MNAT1: variants seen among roughly 807,000 people sequenced by gnomAD.
The protein encoded by MNAT1 is MNAT1 component of CDK activating kinase, also known as CDK-activating kinase assembly factor MAT1.
Under a neutral mutation model 42.0 loss-of-function variants are expected in MNAT1, and 43 were observed. That is an observed-to-expected ratio of 1.02 (90% CI 0.80 to 1.32). The LOEUF is 1.32. Ranked by LOEUF, MNAT1 falls within the 40% of genes most tolerant of loss-of-function variation. MNAT1 has a pLI of 0.00. For missense variants in MNAT1, 306 were observed against 350.4 expected (o/e 0.87, Z 1.01); for synonymous variants, 118 against 120.0 (o/e 0.98, Z 0.11).
At chr14:60,889,942 C>T (rs1016730187) in intron 7 of MNAT1, among the ~76,000 whole-genome samples, 7 of 152,120 alleles carry the variant, frequency 4.6e-5, no homozygotes, top group East Asian at 3.9e-4. Context: ...ATTAAAAAGT[C>T]AGGAAACAAC....
intron 6 of MNAT1, among the ~76,000 whole-genome samples, chr14:60,841,288 T>C (rs1245747394): frequency 1.3e-5 from 2 of 152,138 alleles, no homozygotes; most frequent in African/African-American, 4.8e-5. Context: ...GTGTGTACTT[T>C]AGGTGGCTGC....
At chr14:60,890,752 T>G (rs746848568) in intron 7 of MNAT1, among the ~76,000 whole-genome samples, 1 of 152,200 alleles carries the variant, frequency 6.6e-6, no homozygotes, top group African/African-American at 2.4e-5. Context: ...GCAAGTCTGC[T>G]CTTTCCACCT....
At chr14:60,863,609 T>G (rs1393325149) in intron 6 of MNAT1, among the ~76,000 whole-genome samples, 2 of 152,096 alleles carry the variant, frequency 1.3e-5, no homozygotes. Flanking sequence ...ATTAACTAAT[T>G]AGTGAAAGGA....
At chr14:60,906,454 G>A (rs981309153) in intron 7 of MNAT1, among the ~76,000 whole-genome samples, 8 of 152,184 alleles carry the variant, frequency 5.3e-5, no homozygotes, top group Non-Finnish European at 1.0e-4. Context: ...AAAATTTGCA[G>A]TAGTCCTGCT....
At chr14:60,833,157 A>T (rs563184791) in intron 6 of MNAT1, among the ~76,000 whole-genome samples, 1 of 152,230 alleles carries the variant, frequency 6.6e-6, no homozygotes, top group South Asian at 2.1e-4. Context: ...TTCCTCTTTG[A>T]ATACTCTTTA....
chr14:60,911,573 C>A (rs1028496618), intron 7 of MNAT1, among the ~76,000 whole-genome samples: 1 of 152,108 alleles, frequency 6.6e-6, no homozygotes, highest in Non-Finnish European at 1.5e-5. Context: ...GCCTTCATTT[C>A]ATTGTGTACC....
At chr14:60,799,413 T>A in intron 3 of MNAT1, 1 of 984,610 alleles carries the variant, frequency 1.0e-6, no homozygotes, top group African/African-American at 1.7e-5. Context: ...TCTGGCTCTA[T>A]ATAGATACTA....
Position 60,829,504 on chromosome 14 carries a change from GA to G in MNAT1, c.687+10662del, listed in dbSNP as rs553588670. Among the ~76,000 whole-genome samples the G allele has an allele frequency of 4.8e-4, 73 of 152,164 alleles. No individual in the cohort carries two copies. The South Asian group carries it at 0.015, about 30-fold the overall frequency. On this transcript the variant is annotated intron_variant, in intron 6 of 7. Transcript: ENST00000261245. ...TATTCTTTCCTTTACCACGGTAAAG[GA>G]AAAATTGTTAATAGTCAAACTGTTG...
intron 7 of MNAT1, among the ~76,000 whole-genome samples, chr14:60,955,739 C>T (rs191288986): frequency 6.6e-6 from 1 of 152,236 alleles, no homozygotes; most frequent in African/African-American, 2.4e-5. Context: ...CTTTATAATT[C>T]AGTCTTGGTA....
chr14:60,934,533 G>A (rs201289750), intron 7 of MNAT1, among the ~76,000 whole-genome samples: 4 of 152,114 alleles, frequency 2.6e-5, no homozygotes, highest in African/African-American at 9.7e-5. Context: ...TAAGTCTCAC[G>A]AGATCTGATG....
At chr14:60,887,981 A>T (rs971639503) in intron 7 of MNAT1, among the ~76,000 whole-genome samples, 1 of 150,492 alleles carries the variant, frequency 6.6e-6, no homozygotes, top group African/African-American at 2.4e-5. Context: ...AAAAGAGTCC[A>T]GGACCAGATG....
chr14:60,900,048 A>ATCTCTCTCTCTCTCTCTCTC (rs61149455), intron 7 of MNAT1, among the ~76,000 whole-genome samples: 3 of 136,412 alleles, frequency 2.2e-5, no homozygotes, highest in African/African-American at 8.4e-5. Context: ...CTGTTTCCCC[A>ATCTCTCTCTCTCTCTCTCTC]TCTCTCTCTC....
At chr14:60,923,033 G>A (rs1312602743) in intron 7 of MNAT1, among the ~76,000 whole-genome samples, 2 of 152,132 alleles carry the variant, frequency 1.3e-5, no homozygotes, top group Non-Finnish European at 2.9e-5. Flanking sequence ...CTTGGGAATG[G>A]TACTTTACTA....
Position 60,740,232 on chromosome 14 carries a change from T to A in MNAT1, c.89+5281T>A, listed in dbSNP as rs994371169. Among the ~76,000 whole-genome samples the A allele has an allele frequency of 3.3e-5, 5 of 152,232 alleles. No homozygotes were observed. The highest frequency in any genetic ancestry group is 5.9e-5 in the Non-Finnish European group (4 of 68,038). Reference sequence around the variant, plus strand: ...AATTTTATGTGCTAAATCTACTTTTTTCATCACGCACGAGACGCAAAGTAC... The same window carrying A: ...AATTTTATGTGCTAAATCTACTTTTATCATCACGCACGAGACGCAAAGTAC... On this transcript the variant is annotated intron_variant, in intron 1 of 7. Transcript: ENST00000261245. This position sits in a 1 kb window ranked among gnomAD's most constrained non-coding sequence, Gnocchi z 4.1.
intron 1 of MNAT1, among the ~76,000 whole-genome samples, chr14:60,776,592 T>G (rs4899019): frequency 0.95 from 144,150 of 152,136 alleles, 68,555 homozygotes; most frequent in Non-Finnish European, 0.99. Flanking sequence ...AGCAGATACT[T>G]TTAGGGGAGG....
chr14:60,943,689 G>T (rs1159777486), intron 7 of MNAT1, among the ~76,000 whole-genome samples: 1 of 151,590 alleles, frequency 6.6e-6, no homozygotes, highest in Non-Finnish European at 1.5e-5. Context: ...GCATTATTTT[G>T]CCCTCCATGT....
chr14:60,816,275 A>G (rs2032712199), intron 5 of MNAT1, among the ~76,000 whole-genome samples: 1 of 152,136 alleles, frequency 6.6e-6, no homozygotes, highest in Non-Finnish European at 1.5e-5. Flanking sequence ...ATTTGCAGTA[A>G]TGTTGGCTAA....
chr14:60,785,428 G>A (rs2031617013), intron 1 of MNAT1, among the ~76,000 whole-genome samples: 1 of 152,036 alleles, frequency 6.6e-6, no homozygotes, highest in Non-Finnish European at 1.5e-5. Context: ...TGTTTATTAG[G>A]GATTTAAATG....
At chr14:60,783,261 G>A (rs1275818942) in intron 1 of MNAT1, among the ~76,000 whole-genome samples, 1 of 152,132 alleles carries the variant, frequency 6.6e-6, no homozygotes, top group Non-Finnish European at 1.5e-5. Flanking sequence ...TATTCAGTTG[G>A]TAGAGAGATC....
Sources: gnomAD v4.1 joint callset for allele counts (sites outside exome capture counted in the v4.1 genomes callset) on GRCh38, gnomAD v4.1.1 for gene constraint, Gnocchi (gnomAD v3.1) non-coding constraint, MANE v1.5 for transcripts, NCBI Gene and HGNC (gene_info 2026-07-23, HGNC 2026-07-21) for gene names.